VIPR1: variants seen among roughly 807,000 people sequenced by gnomAD.
VIPR1 encodes vasoactive intestinal polypeptide receptor 1.
Under a neutral mutation model 58.8 loss-of-function variants are expected in VIPR1, and 59 were observed. The observed-to-expected ratio is 1.00, with a 90% confidence interval of 0.81 to 1.25. The LOEUF (loss-of-function observed/expected upper bound fraction) is 1.25, where lower values mean the gene tolerates loss of function less well. Ranked by LOEUF, VIPR1 falls within the 50% of genes most tolerant of loss-of-function variation. The probability of loss-of-function intolerance (pLI) is 0.00; values close to 1 mark genes in which losing one functional copy is unlikely to be tolerated. For missense variants in VIPR1, 626 were observed against 602.7 expected, an observed-to-expected ratio of 1.04 and a Z score of -0.40; for synonymous variants, 251 against 242.1, an observed-to-expected ratio of 1.04 and a Z score of -0.34.
At chr3:42,499,252 C>T (rs1485394071), upstream of VIPR1, among the ~76,000 whole-genome samples, 2 of 152,200 alleles carry the variant, frequency 1.3e-5, no homozygotes, top group South Asian at 2.1e-4. Flanking sequence ...CTTCCCACTC[C>T]ACCACAGAAC....
At chr3:42,502,112 AC>A (rs1024529601), upstream of VIPR1, 3 of 151,872 alleles carry the variant, frequency 2.0e-5, no homozygotes, top group African/African-American at 7.3e-5. Flanking sequence ...TGATCAAACA[AC>A]CCGATCTCTG....
chr3:42,517,969 A>G (rs1455730755), intron 2 of VIPR1, among the ~76,000 whole-genome samples: 2 of 151,920 alleles, frequency 1.3e-5, no homozygotes, highest in Admixed American at 6.6e-5. Flanking sequence ...GAGCAAGACT[A>G]TGATGGGGTG....
At chr3:42,517,007 A>C (rs1700661341) in intron 2 of VIPR1, among the ~76,000 whole-genome samples, 1 of 152,246 alleles carries the variant, frequency 6.6e-6, no homozygotes, top group Non-Finnish European at 1.5e-5. Flanking sequence ...AAGCTGGCCC[A>C]GAATGGAAGA....
intron 4 of VIPR1, among the ~76,000 whole-genome samples, chr3:42,526,253 C>T (rs1273820492): frequency 2.0e-5 from 3 of 152,244 alleles, no homozygotes; most frequent in Non-Finnish European, 4.4e-5. Context: ...GGCTGGGCCA[C>T]CCTACTGCCT....
At chr3:42,530,725 G>C in intron 6 of VIPR1, 54 bp from the exon 7 acceptor site, 1 of 1,597,962 alleles carries the variant, frequency 6.3e-7, no homozygotes, top group Non-Finnish European at 8.5e-7. Context: ...AGTGTGGGCA[G>C]TCAAGGACCC....
At chr3:42,498,352 G>A (rs911592675), upstream of VIPR1, among the ~76,000 whole-genome samples, 3 of 152,284 alleles carry the variant, frequency 2.0e-5, no homozygotes, top group African/African-American at 4.8e-5. Flanking sequence ...CCTGGAACTC[G>A]TTATCAAATT....
chr3:42,506,406 T>G (rs924054267), intron 1 of VIPR1: 1 of 152,352 alleles, frequency 6.6e-6, no homozygotes, highest in Non-Finnish European at 1.5e-5. Flanking sequence ...TCTTAAATCC[T>G]TCTGTTCAAC....
At chr3:42,522,102 T>TATACATATA (rs1553638336) in intron 3 of VIPR1, among the ~76,000 whole-genome samples, 1 of 13,702 alleles carries the variant, frequency 7.3e-5, no homozygotes, top group Non-Finnish European at 1.1e-4. Flanking sequence ...TATATATATA[T>TATACATATA]TTTTTTTTTT....
intron 5 of VIPR1, 148 bp downstream of exon 5, chr3:42,527,644 C>A: frequency 1.3e-6 from 1 of 761,906 alleles, no homozygotes; most frequent in Non-Finnish European, 2.1e-6. Flanking sequence ...AGGCCAGCTT[C>A]CCCTGGAGAA....
At chr3:42,533,989 A>G (rs1701715148) in intron 10 of VIPR1, 1 of 152,470 alleles carries the variant, frequency 6.6e-6, no homozygotes, top group Non-Finnish European at 1.5e-5. Context: ...CACTGCCTGG[A>G]TCAGCTATGA....
rs1700787003 is a variant in VIPR1 at position 42,519,231 on chromosome 3, A to G, written c.193A>G (p.Lys65Glu). Residue 65 changes from lysine to glutamate, a missense_variant, in exon 3 of 13, where the codon AAG becomes GAG. Coordinates refer to ENST00000325123, the MANE Select transcript of VIPR1 (RefSeq NM_004624.4). ...CTGCCTTACCCCCATAGGCTGCAGC[A>G]AGATGTGGGACAACCTCACCTGCTG... ...QLENETIGCS[K>E]MWDNLTCWPA... 1.9e-6 allele frequency: 3 copies of G among 1,608,158 alleles called. No homozygotes were observed. The Admixed American group carries it at 5.1e-5, about 27-fold the overall frequency.
At chr3:42,505,840 C>T (rs893933759) in intron 1 of VIPR1, among the ~76,000 whole-genome samples, 22 of 152,170 alleles carry the variant, frequency 1.4e-4, no homozygotes, top group Non-Finnish European at 2.2e-4. Context: ...GAGAGGCCTC[C>T]GCCCAGTGTG....
At position 42,497,313 on chromosome 3, in the gene VIPR1, C is replaced by G. The variant is rs143560286; in HGVS notation, c.-245+7635C>G. 6.2e-4 allele frequency among the ~76,000 whole-genome samples: 94 copies of G among 152,280 alleles called. 1 individual carries two copies. The East Asian group carries it at 0.017, about 28-fold the overall frequency. On this transcript the variant is annotated intron_variant, in intron 1 of 13. Coordinates refer to the VIPR1 transcript ENST00000433647. ...CTGCCCTTCCTACCTTGAACCTTGT[C>G]CCTAACTCTACTTCCTCCCTGCACA...
At chr3:42,527,324 C>G in intron 4 of VIPR1, 69 bp from the exon 5 acceptor site, 1 of 1,455,436 alleles carries the variant, frequency 6.9e-7, no homozygotes, top group Non-Finnish European at 9.6e-7. Flanking sequence ...GGCACCCCAC[C>G]CCTGCCAATA....
In VIPR1 at chr3:42,522,102, T is replaced by TATATATATATATATATATATATA. The variant is rs1553638336; in HGVS notation, c.292+2772_292+2773insATATATATATATATATATATATA. Reference sequence around the variant, plus strand: ...TCGAATATATATATATATATATATATTTTTTTTTTTTTTTTTTTTTTTTTT... The same window carrying TATATATATATATATATATATATA: ...TCGAATATATATATATATATATATATATATATATATATATATATATATATTTTTTTTTTTTTTTTTTTTTTTTT... On this transcript the variant is annotated intron_variant, in intron 3 of 12. Transcript: ENST00000325123. Among the ~76,000 whole-genome samples the TATATATATATATATATATATATA allele has an allele frequency of 9.5e-4, 13 of 13,682 alleles. 1 individual carries two copies. Among genetic ancestry groups the TATATATATATATATATATATATA allele is most frequent in the Admixed American group, 2.9e-3 (2 of 700 alleles). The allele number at this position is 13,682 out of a possible 152,430, so 9.0% of individuals were successfully genotyped here. A position where few individuals can be genotyped will look rare whatever the true frequency, so the allele number is the denominator to read the frequency against.
intron 1 of VIPR1, chr3:42,512,781 C>A (rs1366100752): frequency 1.0e-6 from 1 of 985,354 alleles, no homozygotes; most frequent in Admixed American, 6.1e-5. Flanking sequence ...GTGGGGTTGC[C>A]GGGGCCAGCA....
chr3:42,497,439 C>T (rs779909402), intron 1 of VIPR1, among the ~76,000 whole-genome samples: 20 of 152,106 alleles, frequency 1.3e-4, no homozygotes, highest in East Asian at 9.6e-4. Context: ...CTCTTACACG[C>T]GGACATACAT....
intron 1 of VIPR1, among the ~76,000 whole-genome samples, chr3:42,490,134 C>A (rs910359549): frequency 3.9e-5 from 6 of 152,130 alleles, no homozygotes; most frequent in African/African-American, 1.4e-4. Flanking sequence ...TCAGCTTCCT[C>A]CTTGCTCCTT....
intron 3 of VIPR1, among the ~76,000 whole-genome samples, chr3:42,520,651 G>C (rs1700869367): frequency 1.3e-5 from 2 of 152,030 alleles, no homozygotes; most frequent in African/African-American, 4.8e-5. Context: ...GCCTAGAGTG[G>C]GGAGGACTCA....
Sources: allele counts gnomAD v4.1 joint callset (sites outside exome capture counted in the v4.1 genomes callset), GRCh38; gene constraint gnomAD v4.1.1; transcripts MANE v1.5; gene names NCBI Gene and HGNC (gene_info 2026-07-23, HGNC 2026-07-21).